The following INO80C variants were observed in gnomAD, a reference collection of about 807,000 sequenced individuals.
INO80C encodes the protein IES6 homolog.
A neutral mutation model predicts 17.7 loss-of-function variants in INO80C; 17 were observed. That is an observed-to-expected ratio of 0.96 (90% CI 0.66 to 1.44). The LOEUF (loss-of-function observed/expected upper bound fraction) is 1.44. INO80C is among the 40% of genes most tolerant of loss of function. The pLI is 0.00. For missense variants in INO80C, 244 were observed against 245.0 expected, an observed-to-expected ratio of 1.00 and a Z score of 0.03; for synonymous variants, 96 against 95.8, an observed-to-expected ratio of 1.00 and a Z score of -0.01.
chr18:35,495,279 G>C (rs1161093635), intron 1 of INO80C, among the ~76,000 whole-genome samples: 1 of 152,172 alleles, frequency 6.6e-6, no homozygotes, highest in Non-Finnish European at 1.5e-5. Context: ...AAATACAATG[G>C]TGGCATGCAC....
rs536828133 is a variant in INO80C, at chr18:35,475,099, A to G, written c.447+3183T>C. Among the ~76,000 whole-genome samples the G allele has an allele frequency of 2.6e-5, 4 of 151,140 alleles. No homozygotes were observed. In the South Asian group the frequency reaches 6.3e-4, roughly 24 times the overall value. ...AAACCTCAGAGAACATCAAGAATAC[A>G]TACCAGAAAAATAATACCCTGAGTC... On this transcript the variant is annotated intron_variant, in intron 4 of 4. Transcript: ENST00000334598.
chr18:35,497,826 C>T lies in INO80C; in HGVS notation c.49G>A (p.Val17Ile), dbSNP rs777795821. 3 of 1,609,328 alleles carry T rather than the reference C, an allele frequency of 1.9e-6. No individual in the cohort carries two copies. In the South Asian group the frequency reaches 3.3e-5, roughly 18 times the overall value. Residue 17 changes from valine to isoleucine, a missense_variant, in exon 1 of 5, where the codon GTC becomes ATC. Coordinates refer to ENST00000334598, the MANE Select transcript of INO80C (RefSeq NM_194281.4). ...IVATTSTPGI[V>I]RNSKKRPASP... ...GCCGGCCTCTTCTTGCTGTTCCGGA[C>T]TATTCCGGGAGTGGAAGTGGTGGCC...
rs1598742074 is a variant in INO80C at position 35,480,507 on chromosome 18, T to C, written c.213A>G (p.Thr71=). 6.2e-7 allele frequency: 1 copy of C among 1,614,182 alleles called. No homozygotes were observed. Among genetic ancestry groups the C allele is most frequent in the Non-Finnish European group, 8.5e-7 (1 of 1,179,974 alleles). ...GTTTGGCAGCTTTTTCCACAGGTCC[T>C]GTGCTAAACTCAGAGGGCACCATTT... is the stretch of plus-strand genomic sequence containing the variant. ...ENKMVPSEFS[T]GPVEKAAKPL... Residue 71 remains threonine (T), a synonymous_variant, in exon 2 of 5, where the codon ACA becomes ACG. Coordinates refer to ENST00000334598, the MANE Select transcript of INO80C (RefSeq NM_194281.4).
chr18:35,468,365 T>C lies in INO80C; in HGVS notation c.*246A>G, dbSNP rs755158287. Reference sequence around the variant, plus strand: ...AAAGTATGGTTTTATTGTATCTTCTTGTCAAACACCTTTACTTGAGGCAAC... The same window carrying C: ...AAAGTATGGTTTTATTGTATCTTCTCGTCAAACACCTTTACTTGAGGCAAC... On this transcript the variant is annotated 3_prime_UTR_variant, in exon 5 of 5. Coordinates refer to ENST00000334598, the MANE Select transcript of INO80C (RefSeq NM_194281.4). 149 of 1,339,888 alleles carry C rather than the reference T, an allele frequency of 1.1e-4. No individual in the cohort carries two copies. Among genetic ancestry groups the C allele is most frequent in the Non-Finnish European group, 1.4e-4 (146 of 1,043,140 alleles). The allele number at this position is 1,339,888 out of a possible 1,614,324, so 83.0% of individuals were successfully genotyped here.
chr18:35,490,698 T>C (rs1202436651), intron 1 of INO80C, among the ~76,000 whole-genome samples: 1 of 152,162 alleles, frequency 6.6e-6, no homozygotes, highest in Non-Finnish European at 1.5e-5. Flanking sequence ...CCTCAGGCAG[T>C]GGAGTTCGCT....
At chr18:35,472,447 G>GCCGT (rs2045682223) in intron 4 of INO80C, among the ~76,000 whole-genome samples, 1 of 152,096 alleles carries the variant, frequency 6.6e-6, no homozygotes, top group Non-Finnish European at 1.5e-5. Flanking sequence ...TTTTGATGGG[G>GCCGT]TTGTTTTTTT....
chr18:35,476,896 A>T (rs1567980631), intron 4 of INO80C, among the ~76,000 whole-genome samples: 1 of 152,132 alleles, frequency 6.6e-6, no homozygotes, highest in Non-Finnish European at 1.5e-5. Flanking sequence ...AGACCCAACA[A>T]CTCAACAATA....
Position 35,497,861 on chromosome 18 carries a change from A to G in INO80C, c.14T>C (p.Ile5Thr). Reference sequence around the variant, plus strand: ...AGTGGAAGTGGTGGCCACAATTGGAATTTGCGCCGCCATCGCACTCCGAGT... The same window carrying G: ...AGTGGAAGTGGTGGCCACAATTGGAGTTTGCGCCGCCATCGCACTCCGAGT... Reference protein sequence around the residue: MAAQIPIVATTSTPG... With the variant: MAAQTPIVATTSTPG... Residue 5 changes from isoleucine to threonine, a missense_variant, in exon 1 of 5, where the codon ATT (isoleucine) becomes ACT (threonine). By Grantham distance (89) the Ile-to-Thr change is moderately conservative. Transcript: ENST00000334598. The G allele has an allele frequency of 6.4e-7, 1 of 1,573,928 alleles. No individual in the cohort carries two copies. The highest frequency in any genetic ancestry group is 8.6e-7 in the Non-Finnish European group (1 of 1,157,456).
At chr18:35,487,173 T>C (rs955822443) in intron 1 of INO80C, among the ~76,000 whole-genome samples, 2 of 152,196 alleles carry the variant, frequency 1.3e-5, no homozygotes, top group African/African-American at 2.4e-5. Flanking sequence ...ACTGAGAAGA[T>C]AGCATTACTT....
At chr18:35,489,471 T>C (rs1453655782) in intron 1 of INO80C, 1 of 172,700 alleles carries the variant, frequency 5.8e-6, no homozygotes, top group Non-Finnish European at 1.3e-5. Flanking sequence ...GTGAGGATTA[T>C]TCACTACCAT....
chr18:35,483,162 C>G (rs553116212), intron 1 of INO80C, among the ~76,000 whole-genome samples: 2 of 152,250 alleles, frequency 1.3e-5, no homozygotes, highest in South Asian at 4.1e-4. Context: ...AATTTTACAA[C>G]AAAGGTTAGA....
intron 4 of INO80C, among the ~76,000 whole-genome samples, chr18:35,473,598 T>C (rs184407230): frequency 6.6e-6 from 1 of 151,640 alleles, no homozygotes. Flanking sequence ...TACTGGAGAG[T>C]GGTTAAGAGG....
At chr18:35,495,324 A>G (rs1202119350) in intron 1 of INO80C, among the ~76,000 whole-genome samples, 1 of 152,156 alleles carries the variant, frequency 6.6e-6, no homozygotes, top group African/African-American at 2.4e-5. Flanking sequence ...CTGAGGTGGG[A>G]GGATCCACTG....
intron 2 of INO80C, 100 bp from the exon 3 acceptor site, chr18:35,479,511 A>C: frequency 2.9e-6 from 2 of 700,840 alleles, no homozygotes; most frequent in Non-Finnish European, 5.0e-6. Context: ...TATACCTCTC[A>C]TCTGTCAACA....
intron 1 of INO80C, among the ~76,000 whole-genome samples, chr18:35,493,392 A>G (rs2045950760): frequency 6.6e-6 from 1 of 152,248 alleles, no homozygotes; most frequent in Non-Finnish European, 1.5e-5. Flanking sequence ...TATAGTGAAA[A>G]TATAAATCCA....
chr18:35,474,692 A>G (rs977057833), intron 4 of INO80C, among the ~76,000 whole-genome samples: 16 of 152,284 alleles, frequency 1.1e-4, no homozygotes, highest in Admixed American at 6.5e-4. Flanking sequence ...ATCTCTAAAT[A>G]AATAAATAAT....
chr18:35,469,025 G>T (rs912392183), intron 4 of INO80C, among the ~76,000 whole-genome samples: 1 of 152,176 alleles, frequency 6.6e-6, no homozygotes, highest in Non-Finnish European at 1.5e-5. Context: ...GTCCAAGACT[G>T]AATTCATGAT....
rs1231490544 is a variant in INO80C, at chr18:35,487,705, T to TA, written c.157-7143dup. 2.6e-5 allele frequency: 4 copies of TA among 153,664 alleles called. No homozygotes were observed. In the East Asian group the frequency reaches 7.7e-4, roughly 30 times the overall value. 9.5% of individuals were successfully genotyped at this position (153,664 alleles called of 1,614,324 possible). A position where few individuals can be genotyped will look rare whatever the true frequency, so the allele number is the denominator to read the frequency against. ...TCCCAAATCTCATGTCCTCACATGT[T>TA]AAAATCAATCATGCCTTCCCAGCAG... On this transcript the variant is annotated intron_variant, in intron 1 of 4. Transcript: ENST00000334598.
In INO80C at chr18:35,479,418, T is replaced by C. The variant is rs534989851; in HGVS notation, c.268-7A>G. The C allele has an allele frequency of 1.3e-6, 2 of 1,591,626 alleles. No homozygotes were observed. The highest frequency in any genetic ancestry group is 1.7e-6 in the Non-Finnish European group (2 of 1,159,644). ...CGCCACCGTGGCCAGAGTGCTTGAA[T>C]TGAAGGCATGGATTAGAAGAAACAA... On this transcript the variant is annotated splice_region_variant and splice_polypyrimidine_tract_variant and intron_variant, in intron 2 of 4. Coordinates refer to ENST00000334598, the MANE Select transcript of INO80C (RefSeq NM_194281.4).
Sources: gnomAD v4.1 joint callset for allele counts (sites outside exome capture counted in the v4.1 genomes callset) on GRCh38, gnomAD v4.1.1 for gene constraint, MANE v1.5 for transcripts, NCBI Gene and HGNC (gene_info 2026-07-23, HGNC 2026-07-21) for gene names.